Variants in BBX observed in about 807,000 individuals in gnomAD.
BBX encodes BBX high mobility group box domain containing.
A neutral mutation model predicts 100.2 loss-of-function variants in BBX; 30 were observed. The ratio of observed to expected loss-of-function variants is 0.30; its 90% CI spans 0.22 to 0.41. The LOEUF (loss-of-function observed/expected upper bound fraction) is 0.41. BBX is among the 10% of genes least tolerant of loss of function. The pLI is 1.00. For missense variants in BBX, 1,023 were observed against 1,129.8 expected (o/e 0.91, Z 1.35); for synonymous variants, 376 against 388.1 (o/e 0.97, Z 0.37).
At chr3:107,737,941 G>A (rs908815926) in intron 7 of BBX, among the ~76,000 whole-genome samples, 28 of 70,834 alleles carry the variant, frequency 4.0e-4, no homozygotes, top group Non-Finnish European at 7.0e-4. Flanking sequence ...CTTACCTTTT[G>A]GGCATCCCAA....
chr3:107,758,256 C>G (rs2065638749), intron 10 of BBX, among the ~76,000 whole-genome samples: 1 of 152,160 alleles, frequency 6.6e-6, no homozygotes, highest in Non-Finnish European at 1.5e-5. Flanking sequence ...AGAAATATTT[C>G]AAACATCAAT....
intron 3 of BBX, among the ~76,000 whole-genome samples, chr3:107,676,945 G>A (rs1476573711): frequency 1.3e-5 from 2 of 152,028 alleles, no homozygotes; most frequent in South Asian, 2.1e-4. Flanking sequence ...TTATCCTGAA[G>A]CATTCTTGAC....
chr3:107,674,991 C>T (rs2059208485), intron 3 of BBX, among the ~76,000 whole-genome samples: 1 of 152,200 alleles, frequency 6.6e-6, no homozygotes, highest in South Asian at 2.1e-4. Context: ...CTCCTGCTTA[C>T]AGAGTCCAAG....
At chr3:107,783,656 T>C (rs1302210406) in intron 13 of BBX, among the ~76,000 whole-genome samples, 1 of 152,056 alleles carries the variant, frequency 6.6e-6, no homozygotes. Context: ...ACGTTGGTTT[T>C]CCATGATTGC....
intron 3 of BBX, among the ~76,000 whole-genome samples, chr3:107,682,314 T>A (rs753916058): frequency 6.6e-6 from 1 of 152,166 alleles, no homozygotes; most frequent in Admixed American, 6.6e-5. Context: ...CCCAAGTTAT[T>A]TCTAAGACAG....
chr3:107,739,809 G>A (rs1223689117), intron 7 of BBX, among the ~76,000 whole-genome samples: 1 of 152,204 alleles, frequency 6.6e-6, no homozygotes, highest in Admixed American at 6.5e-5. Flanking sequence ...AAGAAGGCAA[G>A]TAGACAGAGT....
chr3:107,717,094 C>T (rs1370621193), intron 5 of BBX, among the ~76,000 whole-genome samples: 1 of 152,108 alleles, frequency 6.6e-6, no homozygotes, highest in Non-Finnish European at 1.5e-5. Context: ...TTCTCATTGT[C>T]TATACCCCAC....
chr3:107,629,774 C>T (rs2056433115), intron 2 of BBX, among the ~76,000 whole-genome samples: 1 of 152,150 alleles, frequency 6.6e-6, no homozygotes, highest in African/African-American at 2.4e-5. Flanking sequence ...TGGTGGAGAA[C>T]ATAGGAAAGG....
chr3:107,768,398 T>C (rs2066569975), intron 10 of BBX, among the ~76,000 whole-genome samples: 2 of 152,200 alleles, frequency 1.3e-5, no homozygotes, highest in Non-Finnish European at 2.9e-5. Flanking sequence ...AAAACATTCT[T>C]AGGTTGCTGA....
At chr3:107,779,611 A>G (rs1430765624) in intron 13 of BBX, among the ~76,000 whole-genome samples, 2 of 152,126 alleles carry the variant, frequency 1.3e-5, no homozygotes, top group East Asian at 3.9e-4. Context: ...ATTTAATCAA[A>G]TCAGATTAAT....
intron 3 of BBX, among the ~76,000 whole-genome samples, chr3:107,646,306 C>T (rs980441559): frequency 7.2e-5 from 11 of 151,992 alleles, no homozygotes; most frequent in East Asian, 1.9e-4. Flanking sequence ...GAATCAGTAT[C>T]GAAGCATTAT....
chr3:107,587,030 C>T (rs2107577460), intron 2 of BBX, among the ~76,000 whole-genome samples: 1 of 152,064 alleles, frequency 6.6e-6, no homozygotes, highest in East Asian at 1.9e-4. Flanking sequence ...GGATTACAGG[C>T]ATGAGCCACT....
At chr3:107,548,019 A>G (rs1205314436) in intron 2 of BBX, among the ~76,000 whole-genome samples, 2 of 152,132 alleles carry the variant, frequency 1.3e-5, no homozygotes, top group South Asian at 2.1e-4. Flanking sequence ...ATAAAATGCA[A>G]TTCTGGGCTC....
At chr3:107,637,910 T>C (rs1317213694) in intron 2 of BBX, among the ~76,000 whole-genome samples, 1 of 152,096 alleles carries the variant, frequency 6.6e-6, no homozygotes, top group Non-Finnish European at 1.5e-5. Context: ...TTCCTTTCCT[T>C]TATTTCCTTC....
rs2071076692 is a variant in BBX, at chr3:107,806,500, A to ATT, written c.*1044_*1045dup. The ATT allele has an allele frequency of 6.6e-6, 1 of 152,182 alleles. No individual in the cohort carries two copies. Among genetic ancestry groups the ATT allele is most frequent in the Non-Finnish European group, 1.5e-5 (1 of 68,062 alleles). The allele number at this position is 152,182 out of a possible 1,614,324, so 9.4% of individuals were successfully genotyped here. A position where few individuals can be genotyped will look rare whatever the true frequency, so the allele number is the denominator to read the frequency against. On this transcript the variant is annotated 3_prime_UTR_variant, in exon 18 of 18. Coordinates refer to ENST00000325805, the MANE Select transcript of BBX (RefSeq NM_001142568.3). ...GGTTGCAATTGCTATGCACAGCCTG[A>ATT]TTGGCACTGCAGGTTTTTAGAGCCA...
At chr3:107,733,049 C>T in intron 7 of BBX, 26 bp downstream of exon 7, 3 of 1,601,840 alleles carry the variant, frequency 1.9e-6, no homozygotes, top group South Asian at 1.1e-5. Flanking sequence ...TCCGTCTCCA[C>T]TCTGCTCATA....
chr3:107,562,869 A>G (rs2050609560), intron 2 of BBX, among the ~76,000 whole-genome samples: 1 of 152,234 alleles, frequency 6.6e-6, no homozygotes, highest in Non-Finnish European at 1.5e-5. Flanking sequence ...TAACTTTCAA[A>G]GTACTGATAT....
chr3:107,684,592 A>T (rs1380900796), intron 3 of BBX: 1 of 152,182 alleles, frequency 6.6e-6, no homozygotes, highest in Admixed American at 6.5e-5. Context: ...GAGCAAAGGC[A>T]GCCACTTCTA....
At chr3:107,699,589 G>A (rs948340689) in intron 3 of BBX, among the ~76,000 whole-genome samples, 1 of 151,946 alleles carries the variant, frequency 6.6e-6, no homozygotes. Flanking sequence ...TTGTGGGGCT[G>A]GAGAGGAGTA....
Sources: allele counts gnomAD v4.1 joint callset (sites outside exome capture counted in the v4.1 genomes callset), GRCh38; gene constraint gnomAD v4.1.1; transcripts MANE v1.5; gene names NCBI Gene and HGNC (gene_info 2026-07-23, HGNC 2026-07-21).